MCF2L2: variants seen among roughly 807,000 people sequenced by gnomAD.
The protein encoded by MCF2L2 is probable guanine nucleotide exchange factor MCF2L2.
MCF2L2 carries 102 observed loss-of-function variants against 150.2 expected under a neutral mutation model. The ratio of observed to expected loss-of-function variants is 0.68; its 90% CI spans 0.58 to 0.80. The LOEUF (loss-of-function observed/expected upper bound fraction) is 0.80, where lower values mean the gene tolerates loss of function less well. Ranked by LOEUF, MCF2L2 falls within the 30% of genes least tolerant of loss-of-function variation. MCF2L2 has a pLI of 0.00. For missense variants in MCF2L2, 1,256 were observed against 1,372.8 expected (o/e 0.91, Z 1.34); for synonymous variants, 465 against 491.3 (o/e 0.95, Z 0.71).
chr3:183,294,572 T>C (rs1227280713), intron 13 of MCF2L2, among the ~76,000 whole-genome samples: 2 of 148,538 alleles, frequency 1.3e-5, no homozygotes, highest in East Asian at 1.9e-4. Flanking sequence ...TGTGTGTGTA[T>C]ATATATGTGT....
chr3:183,221,741 C>T (rs972148130), intron 20 of MCF2L2, among the ~76,000 whole-genome samples: 1 of 152,162 alleles, frequency 6.6e-6, no homozygotes, highest in African/African-American at 2.4e-5. Flanking sequence ...TGAGGTGCTG[C>T]TCGCTGAAAG....
chr3:183,277,296 C>T (rs1423955946), intron 14 of MCF2L2, among the ~76,000 whole-genome samples: 2 of 149,478 alleles, frequency 1.3e-5, no homozygotes, highest in Admixed American at 6.7e-5. Context: ...AAGATCACAC[C>T]ATTGCACTCC....
chr3:183,379,443 C>G, intron 2 of MCF2L2, 32 bp from the exon 3 acceptor site: 1 of 1,501,536 alleles, frequency 6.7e-7, no homozygotes, highest in Non-Finnish European at 9.2e-7. Flanking sequence ...AAAATGTTAG[C>G]AAAATGTTGT....
At chr3:183,363,321 T>C (rs1018616370) in intron 3 of MCF2L2, among the ~76,000 whole-genome samples, 4 of 152,188 alleles carry the variant, frequency 2.6e-5, no homozygotes, top group African/African-American at 9.7e-5. Context: ...CTTTAGTATT[T>C]ACCCAAATGA....
Position 183,238,118 on chromosome 3 carries a change from C to A in MCF2L2, c.1863-7101G>T, listed in dbSNP as rs190686392. ...CATTTGCTGAGGAGAGCTTTACTTC[C>A]AACTATGTGGTCAATTTTGGAATTC... On this transcript the variant is annotated intron_variant, in intron 15 of 29. Transcript: ENST00000328913. Among the ~76,000 whole-genome samples, 453 of 151,974 alleles carry A rather than the reference C, an allele frequency of 3.0e-3. 2 individuals carry two copies. The highest frequency in any genetic ancestry group is 0.024 in the Middle Eastern group (7 of 294).
Position 183,229,786 on chromosome 3 carries a change from A to C in MCF2L2, c.1930-5T>G, listed in dbSNP as rs770258978. On this transcript the variant is annotated splice_polypyrimidine_tract_variant and splice_region_variant and intron_variant, in intron 16 of 29. Transcript: ENST00000328913. ...ATCCATTGGAGTGATATATCCCTGCAGAGGTGCAAACAAGGTAGGTGTTAC... is the reference window on the plus strand; with the variant it reads ...ATCCATTGGAGTGATATATCCCTGCCGAGGTGCAAACAAGGTAGGTGTTAC... 1 of 1,315,254 alleles carries C rather than the reference A, an allele frequency of 7.6e-7. No homozygotes were observed. Among genetic ancestry groups the C allele is most frequent in the South Asian group, 1.2e-5 (1 of 81,666 alleles). The allele number at this position is 1,315,254 out of a possible 1,614,324, so 81.5% of individuals were successfully genotyped here. A position where few individuals can be genotyped will look rare whatever the true frequency, so the allele number is the denominator to read the frequency against.
chr3:183,187,301 G>C (rs531081273), intron 27 of MCF2L2, among the ~76,000 whole-genome samples: 4 of 152,244 alleles, frequency 2.6e-5, no homozygotes, highest in African/African-American at 9.6e-5. Context: ...TGGCAGACAG[G>C]TTCTTCCTCT....
At chr3:183,382,192 G>A (rs1713569517) in intron 2 of MCF2L2, among the ~76,000 whole-genome samples, 1 of 152,046 alleles carries the variant, frequency 6.6e-6, no homozygotes, top group Non-Finnish European at 1.5e-5. Context: ...CCGAGTAGCT[G>A]GGATTACAGG....
intron 7 of MCF2L2, among the ~76,000 whole-genome samples, chr3:183,316,433 C>T (rs1000207271): frequency 6.6e-6 from 1 of 151,646 alleles, no homozygotes; most frequent in Non-Finnish European, 1.5e-5. Context: ...CAACCTCCAT[C>T]TCCCGGGTTC....
chr3:183,292,889 A>C (rs1158341824), intron 13 of MCF2L2, among the ~76,000 whole-genome samples: 1 of 152,216 alleles, frequency 6.6e-6, no homozygotes, highest in Non-Finnish European at 1.5e-5. Context: ...CAATAGAGGA[A>C]TTAAAACAAA....
intron 14 of MCF2L2, among the ~76,000 whole-genome samples, chr3:183,282,537 C>T (rs1039988660): frequency 6.6e-6 from 1 of 152,140 alleles, no homozygotes; most frequent in Non-Finnish European, 1.5e-5. Flanking sequence ...TTTAAAATAT[C>T]AGGAAGTGAG....
intron 10 of MCF2L2, among the ~76,000 whole-genome samples, chr3:183,301,936 T>C (rs1028058587): frequency 6.6e-6 from 1 of 152,230 alleles, no homozygotes; most frequent in Non-Finnish European, 1.5e-5. Context: ...GAATGGTTCA[T>C]GATCCCTGAA....
chr3:183,335,305 C>T (rs1030569541), intron 5 of MCF2L2, among the ~76,000 whole-genome samples: 2 of 151,532 alleles, frequency 1.3e-5, no homozygotes, highest in Non-Finnish European at 2.9e-5. Flanking sequence ...TATATTTATT[C>T]TAAGTATACA....
intron 2 of MCF2L2, among the ~76,000 whole-genome samples, chr3:183,384,582 C>T (rs540589309): frequency 6.6e-6 from 1 of 152,256 alleles, no homozygotes; most frequent in South Asian, 2.1e-4. Flanking sequence ...GGTCCGACTC[C>T]CTGTGATTTC....
intron 16 of MCF2L2, among the ~76,000 whole-genome samples, chr3:183,230,199 C>T (rs1319138803): frequency 2.6e-5 from 4 of 152,068 alleles, no homozygotes; most frequent in African/African-American, 9.7e-5. Flanking sequence ...CTGCAACCTC[C>T]GCCTCCTGGG....
chr3:183,411,588 T>A (rs1358363948), intron 1 of MCF2L2, among the ~76,000 whole-genome samples: 3 of 152,112 alleles, frequency 2.0e-5, no homozygotes, highest in Non-Finnish European at 4.4e-5. Context: ...TAAGTGTAAT[T>A]TCTGTAGAAA....
chr3:183,416,778 T>C (rs1488899212), intron 1 of MCF2L2, among the ~76,000 whole-genome samples: 1 of 152,018 alleles, frequency 6.6e-6, no homozygotes, highest in African/African-American at 2.4e-5. Flanking sequence ...ACAGCAACTA[T>C]TTACACAGCA....
At chr3:183,230,209 G>T (rs985225793) in intron 16 of MCF2L2, among the ~76,000 whole-genome samples, 1 of 152,120 alleles carries the variant, frequency 6.6e-6, no homozygotes, top group African/African-American at 2.4e-5. Flanking sequence ...CGCCTCCTGG[G>T]TTCAAGTGAT....
At chr3:183,356,204 G>T (rs1339243659) in intron 3 of MCF2L2, among the ~76,000 whole-genome samples, 1 of 146,326 alleles carries the variant, frequency 6.8e-6, no homozygotes, top group Non-Finnish European at 1.5e-5. Context: ...CTAGAGCAAA[G>T]TACTCTTTAT....
Sources: allele counts gnomAD v4.1 joint callset (sites outside exome capture counted in the v4.1 genomes callset), GRCh38; gene constraint gnomAD v4.1.1; transcripts MANE v1.5; gene names NCBI Gene and HGNC (gene_info 2026-07-23, HGNC 2026-07-21).